RAD51B: variants seen among roughly 807,000 people sequenced by gnomAD.
The protein encoded by RAD51B is DNA repair protein RAD51 homolog 2.
Under a neutral mutation model 42.2 loss-of-function variants are expected in RAD51B, and 38 were observed. That is an observed-to-expected ratio of 0.90 (90% CI 0.70 to 1.18). The LOEUF (loss-of-function observed/expected upper bound fraction) is 1.18. RAD51B is among the 50% of genes most tolerant of loss of function. The probability of loss-of-function intolerance (pLI) is 0.00; values close to 1 mark genes in which losing one functional copy is unlikely to be tolerated. For synonymous variants in RAD51B, 154 were observed against 145.2 expected (o/e 1.06, Z -0.43); for missense variants, 373 against 400.7 (o/e 0.93, Z 0.59).
chr14:68,526,283 C>T (rs1886925019), intron 10 of RAD51B, among the ~76,000 whole-genome samples: 1 of 152,184 alleles, frequency 6.6e-6, no homozygotes, highest in South Asian at 2.1e-4. Flanking sequence ...TGCCACATAA[C>T]AATGTTTTGG....
At chr14:68,142,830 A>G (rs1012808932) in intron 7 of RAD51B, among the ~76,000 whole-genome samples, 3 of 152,020 alleles carry the variant, frequency 2.0e-5, no homozygotes, top group African/African-American at 7.2e-5. Flanking sequence ...CACATTTTGG[A>G]TAATTACTTA....
chr14:68,077,866 G>A (rs745962252), intron 7 of RAD51B, among the ~76,000 whole-genome samples: 1 of 152,220 alleles, frequency 6.6e-6, no homozygotes, highest in Non-Finnish European at 1.5e-5. Context: ...TGAGGCAGGC[G>A]AATCGCTTGA....
chr14:67,993,949 A>G (rs1471169511), intron 7 of RAD51B, among the ~76,000 whole-genome samples: 1 of 152,196 alleles, frequency 6.6e-6, no homozygotes, highest in Non-Finnish European at 1.5e-5. Flanking sequence ...ATATGTTAAT[A>G]ACTTAATATA....
chr14:68,182,504 G>C (rs1050444355), intron 7 of RAD51B, among the ~76,000 whole-genome samples: 2 of 152,082 alleles, frequency 1.3e-5, no homozygotes. Context: ...TCTGATTATG[G>C]GTAACCTGAC....
At chr14:68,252,146 AT>A (rs1172284372) in intron 7 of RAD51B, among the ~76,000 whole-genome samples, 3 of 152,164 alleles carry the variant, frequency 2.0e-5, no homozygotes, top group Non-Finnish European at 4.4e-5. Context: ...GAGTATACCT[AT>A]AACCAGGCAG....
intron 7 of RAD51B, among the ~76,000 whole-genome samples, chr14:67,985,583 T>G (rs570476573): frequency 8.0e-4 from 122 of 152,272 alleles, no homozygotes; most frequent in African/African-American, 2.8e-3. Context: ...TTTTAGCTTT[T>G]CCTTGACTTT....
intron 7 of RAD51B, among the ~76,000 whole-genome samples, chr14:68,092,504 C>T (rs1016792257): frequency 2.4e-4 from 37 of 151,864 alleles, no homozygotes; most frequent in African/African-American, 5.8e-4. Context: ...TCTGTTTGTC[C>T]GTTATTGGTG....
At chr14:68,662,292 A>G (rs989128927) in intron 11 of RAD51B, among the ~76,000 whole-genome samples, 1 of 152,322 alleles carries the variant, frequency 6.6e-6, no homozygotes, top group Non-Finnish European at 1.5e-5. Flanking sequence ...ATAAAATTCC[A>G]TTTGTTTAGC....
intron 4 of RAD51B, among the ~76,000 whole-genome samples, chr14:67,844,674 G>T (rs2041551078): frequency 6.6e-6 from 1 of 150,840 alleles, no homozygotes; most frequent in Non-Finnish European, 1.5e-5. Flanking sequence ...CAGCGTGCAG[G>T]TTTGTTACAT....
At chr14:68,392,223 G>A (rs1305591889) in intron 8 of RAD51B, among the ~76,000 whole-genome samples, 1 of 152,182 alleles carries the variant, frequency 6.6e-6, no homozygotes, top group African/African-American at 2.4e-5. Flanking sequence ...GTACATTGGG[G>A]CATTGTTCAC....
intron 7 of RAD51B, among the ~76,000 whole-genome samples, chr14:68,147,427 A>G (rs991260843): frequency 6.6e-6 from 1 of 152,142 alleles, no homozygotes; most frequent in Non-Finnish European, 1.5e-5. Context: ...AAATTCTGAC[A>G]CATTAACCTG....
intron 9 of RAD51B, among the ~76,000 whole-genome samples, chr14:68,428,732 T>C (rs1267285772): frequency 0.023 from 302 of 13,346 alleles, 9 homozygotes; most frequent in Non-Finnish European, 0.04. Flanking sequence ...TATATATATA[T>C]ATATATATAT....
chr14:68,118,321 T>A (rs528214708), intron 7 of RAD51B, among the ~76,000 whole-genome samples: 3 of 152,304 alleles, frequency 2.0e-5, no homozygotes, highest in Non-Finnish European at 4.4e-5. Context: ...TCCCCACTAA[T>A]ATCCTTTTTC....
At chr14:67,863,181 T>C (rs2042219300) in intron 4 of RAD51B, among the ~76,000 whole-genome samples, 1 of 125,500 alleles carries the variant, frequency 8.0e-6, no homozygotes, top group African/African-American at 3.1e-5. Flanking sequence ...TTTTGAGACA[T>C]GGTCTTGCTT....
chr14:68,523,614 TC>T (rs1333937847), intron 10 of RAD51B, among the ~76,000 whole-genome samples: 1 of 152,180 alleles, frequency 6.6e-6, no homozygotes, highest in Non-Finnish European at 1.5e-5. Context: ...TGCCCGGCTT[TC>T]CATCTGCCTA....
At chr14:68,263,938 T>C (rs190199076) in intron 7 of RAD51B, among the ~76,000 whole-genome samples, 3 of 152,248 alleles carry the variant, frequency 2.0e-5, no homozygotes, top group African/African-American at 4.8e-5. Context: ...ATTTTATATA[T>C]AAATTTCACC....
chr14:68,316,172 A>G (rs1026453207), intron 8 of RAD51B, among the ~76,000 whole-genome samples: 4 of 152,232 alleles, frequency 2.6e-5, no homozygotes, highest in Admixed American at 6.5e-5. Flanking sequence ...TGTATGATCT[A>G]TGTCTCCAAG....
In RAD51B at chr14:68,049,352, A is replaced by G. The variant is rs141920364; in HGVS notation, c.756+162148A>G. ...GCACATGTACCCTAGAACTTAAAGT[A>G]TAATAAAATATATATACATATGTAT... On this transcript the variant is annotated intron_variant, in intron 7 of 10. Transcript: ENST00000471583. Among the ~76,000 whole-genome samples the G allele has an allele frequency of 5.4e-3, 818 of 152,332 alleles. 6 individuals are homozygous for G. The highest frequency in any genetic ancestry group is 0.019 in the African/African-American group (772 of 41,574).
intron 7 of RAD51B, among the ~76,000 whole-genome samples, chr14:68,009,043 G>A (rs1403759702): frequency 1.3e-5 from 2 of 151,914 alleles, no homozygotes; most frequent in Non-Finnish European, 2.9e-5. Context: ...TATTGTTGTT[G>A]TTGAATGGGA....
Sources: allele counts gnomAD v4.1 joint callset (sites outside exome capture counted in the v4.1 genomes callset), GRCh38; gene constraint gnomAD v4.1.1; transcripts MANE v1.5; gene names NCBI Gene and HGNC (gene_info 2026-07-23, HGNC 2026-07-21).